HLA-DQA1: variants seen among roughly 807,000 people sequenced by gnomAD.
The protein encoded by HLA-DQA1 is HLA class II histocompatibility antigen, DQ alpha 1 chain.
In HLA-DQA1, 10 loss-of-function variants were observed where a neutral mutation model predicts 20.7. The observed-to-expected ratio is 0.48, with a 90% CI of 0.30 to 0.82. The LOEUF (loss-of-function observed/expected upper bound fraction) is 0.82, where lower values mean the gene tolerates loss of function less well. Ranked by LOEUF, HLA-DQA1 falls within the 40% of genes least tolerant of loss-of-function variation. The probability of loss-of-function intolerance (pLI) is 0.07; values close to 1 mark genes in which losing one functional copy is unlikely to be tolerated. For synonymous variants in HLA-DQA1, 39 were observed against 109.2 expected (o/e 0.36, Z 4.01); for missense variants, 127 against 293.0 (o/e 0.43, Z 4.14).
At chr6:32,639,377 C>CGT (rs879912603) in intron 1 of HLA-DQA1, 20,736 of 98,054 alleles carry the variant, frequency 0.21, 4,476 homozygotes, top group East Asian at 0.28. Context: ...GAGGAAGAGG[C>CGT]CCATACAAGC....
chr6:32,640,567 A>T (rs1475361715), intron 1 of HLA-DQA1, among the ~76,000 whole-genome samples: 2 of 99,106 alleles, frequency 2.0e-5, no homozygotes, highest in Non-Finnish European at 4.5e-5. Flanking sequence ...GAAAAAAAAA[A>T]AAAAGGTGGG....
At chr6:32,639,069 G>A (rs28383361) in intron 1 of HLA-DQA1, 27,880 of 234,860 alleles carry the variant, frequency 0.12, 4,898 homozygotes, top group East Asian at 0.21. Flanking sequence ...GATTTTGTTC[G>A]GCAGTGGAAG....
At chr6:32,651,034 G>A (rs28787299), downstream of HLA-DQA1, among the ~76,000 whole-genome samples, 26,435 of 81,254 alleles carry the variant, frequency 0.33, 10,098 homozygotes, top group Admixed American at 0.36. Flanking sequence ...GCCTATAGGC[G>A]CCCGCCATCA....
the HLA-DQA1 span, among the ~76,000 whole-genome samples, chr6:32,652,544 ATGAG>A: frequency 1.4e-5 from 2 of 146,672 alleles, no homozygotes; most frequent in Non-Finnish European, 3.0e-5. Context: ...TGTCTGATAC[ATGAG>A]TGATATTTAG....
chr6:32,641,711 C>A (rs1781436730), intron 2 of HLA-DQA1, among the ~76,000 whole-genome samples, 153 bp downstream of exon 2: 1 of 111,670 alleles, frequency 9.0e-6, no homozygotes, highest in Admixed American at 1.1e-4. Flanking sequence ...CCATGTAATA[C>A]AAGGGTCTTT....
At chr6:32,640,084 A>T (rs36221399) in intron 1 of HLA-DQA1, among the ~76,000 whole-genome samples, 10,942 of 99,698 alleles carry the variant, frequency 0.11, 3,237 homozygotes, top group Admixed American at 0.15. Flanking sequence ...AGATAATTCC[A>T]TTTCAGGGAG....
rs1048726 is a variant in HLA-DQA1, at chr6:32,643,235, A to T, written c.*304A>T. The T allele has an allele frequency of 0.26, 68,803 of 264,798 alleles. 21,899 individuals are homozygous for T. Among genetic ancestry groups the T allele is most frequent in the African/African-American group, 0.4 (14,393 of 36,242 alleles). 16.4% of individuals were successfully genotyped at this position (264,798 alleles called of 1,614,324 possible). A position where few individuals can be genotyped will look rare whatever the true frequency, so the allele number is the denominator to read the frequency against. ...CAGTAACCTCCATCTAAAATCTCCA[A>T]GGAAGCAATAAATTCCTTTTATGAG... is the stretch of plus-strand genomic sequence containing the variant. On this transcript the variant is annotated 3_prime_UTR_variant, in exon 5 of 5. Coordinates refer to ENST00000343139, the MANE Select transcript of HLA-DQA1 (RefSeq NM_002122.5).
downstream of HLA-DQA1, chr6:32,646,990 G>A: frequency 9.5e-6 from 1 of 104,748 alleles, no homozygotes; most frequent in South Asian, 2.8e-4. Flanking sequence ...TTTTAGTGTG[G>A]TAATGAGATT....
downstream of HLA-DQA1, among the ~76,000 whole-genome samples, chr6:32,648,064 C>T (rs17612676): frequency 6.8e-6 from 1 of 146,188 alleles, no homozygotes; most frequent in Non-Finnish European, 1.5e-5. Context: ...AATTTGGGGG[C>T]GTTTAGAGAT....
Position 32,642,231 on chromosome 6 carries a change from C to A in HLA-DQA1, c.591C>A (p.Asp197Glu), listed in dbSNP as rs2308890. 4 of 1,325,862 alleles carry A rather than the reference C, an allele frequency of 3.0e-6. No individual in the cohort carries two copies. The highest frequency in any genetic ancestry group is 3.1e-6 in the Non-Finnish European group (3 of 956,890). 82.1% of individuals were successfully genotyped at this position (1,325,862 alleles called of 1,614,324 possible). Residue 197 changes from aspartate to glutamate, a missense_variant, in exon 3 of 5, where the codon GAC becomes GAA. Asp to Glu is a conservative substitution (Grantham distance 45). Transcript: ENST00000343139. ...GCAAGGTGGAGCACTGGGGCCTGGA[C>A]CAGCCTCTTCTGAAACACTGGGGTA... ...YDCKVEHWGLDQPLLKHWEPE... is the reference protein window; with the variant it reads ...YDCKVEHWGLEQPLLKHWEPE...
chr6:32,653,846 TAA>T, the HLA-DQA1 span, among the ~76,000 whole-genome samples: 3 of 61,822 alleles, frequency 4.9e-5, no homozygotes, highest in Admixed American at 2.1e-4. Flanking sequence ...ATCATTATGT[TAA>T]AGAACCTGGG....
At chr6:32,637,869 T>G (rs9272463) in intron 1 of HLA-DQA1, among the ~76,000 whole-genome samples, 26,848 of 107,994 alleles carry the variant, frequency 0.25, 5,506 homozygotes, top group East Asian at 0.33. Context: ...TATTAAAAAT[T>G]TATGAAGTGT....
At chr6:32,639,273 G>A (rs963728996) in intron 1 of HLA-DQA1, 6 of 125,876 alleles carry the variant, frequency 4.8e-5, no homozygotes. Context: ...TGGAATATTA[G>A]AGCCTAAGAA....
At chr6:32,641,281 C>T (rs1228595012) in intron 1 of HLA-DQA1, 29 bp from the exon 2 acceptor site, 1 of 1,241,478 alleles carries the variant, frequency 8.1e-7, no homozygotes, top group Non-Finnish European at 1.1e-6. Flanking sequence ...CTGTTCTCCG[C>T]CTTCCTGCTT....
At chr6:32,646,152 C>G (rs1781896348), downstream of HLA-DQA1, 1 of 59,036 alleles carries the variant, frequency 1.7e-5, no homozygotes. Flanking sequence ...GGTTACAGAT[C>G]TACCTGCCTG....
the HLA-DQA1 span, among the ~76,000 whole-genome samples, chr6:32,652,685 C>T: frequency 7.2e-6 from 1 of 138,274 alleles, no homozygotes. Flanking sequence ...GCATGTACCT[C>T]ATTTTGTCAA....
Position 32,637,642 on chromosome 6 carries a change from G to A in HLA-DQA1, c.82+102G>A, listed in dbSNP as rs9272444. The stretch of plus-strand genomic sequence containing the variant: ...GAGAAACTGTAGAGATTTCCTAAGG[G>A]CCCTTTCAGTATTAAGACAATTAAA... On this transcript the variant is annotated intron_variant, in intron 1 of 4. Coordinates refer to ENST00000343139, the MANE Select transcript of HLA-DQA1 (RefSeq NM_002122.5). 2.9e-5 allele frequency: 15 copies of A among 513,138 alleles called. 4 individuals carry two copies. The highest frequency in any genetic ancestry group is 4.7e-5 in the Non-Finnish European group (14 of 298,402). 31.8% of individuals were successfully genotyped at this position (513,138 alleles called of 1,614,324 possible). A position where few individuals can be genotyped will look rare whatever the true frequency, so the allele number is the denominator to read the frequency against.
intron 1 of HLA-DQA1, among the ~76,000 whole-genome samples, chr6:32,638,308 A>T (rs9272494): frequency 0.37 from 38,310 of 104,716 alleles, 10,528 homozygotes; most frequent in East Asian, 0.45. Flanking sequence ...AATTGGTAAA[A>T]TAAATCATTT....
rs1781605747 is a variant in HLA-DQA1 at position 32,643,128 on chromosome 6, G to T, written c.*197G>T. The T allele has an allele frequency of 3.0e-6, 1 of 335,184 alleles. No individual in the cohort carries two copies. The highest frequency in any genetic ancestry group is 5.8e-6 in the Non-Finnish European group (1 of 172,696). The allele number at this position is 335,184 out of a possible 1,614,324, so 20.8% of individuals were successfully genotyped here. On this transcript the variant is annotated 3_prime_UTR_variant, in exon 5 of 5. Transcript: ENST00000343139. The stretch of plus-strand genomic sequence containing the variant: ...ACAAATGCCTTTACATTCTTTCCCT[G>T]ACCTCCTGATTTTTTTTTTCTTTTC...
Sources: gnomAD v4.1 joint callset for allele counts (sites outside exome capture counted in the v4.1 genomes callset) on GRCh38, gnomAD v4.1.1 for gene constraint, MANE v1.5 for transcripts, NCBI Gene and HGNC (gene_info 2026-07-23, HGNC 2026-07-21) for gene names.